PREX2: variants seen among roughly 807,000 people sequenced by gnomAD.
The protein encoded by PREX2 is phosphatidylinositol 3,4,5-trisphosphate-dependent Rac exchanger 2 protein.
In PREX2, 107 loss-of-function variants were observed where a neutral mutation model predicts 203.2. That is an observed-to-expected ratio of 0.53 (90% confidence interval 0.45 to 0.62). The LOEUF is 0.62. Ranked by LOEUF, PREX2 falls within the 20% of genes least tolerant of loss-of-function variation. PREX2 has a pLI of 0.00. For synonymous variants in PREX2, 672 were observed against 663.6 expected, an observed-to-expected ratio of 1.01 and a Z score of -0.19; for missense variants, 1,777 against 1,955.9, an observed-to-expected ratio of 0.91 and a Z score of 1.72.
chr8:68,149,673 A>G (rs1811395249), intron 34 of PREX2, among the ~76,000 whole-genome samples: 1 of 152,224 alleles, frequency 6.6e-6, no homozygotes. Flanking sequence ...AGTGGTTTTC[A>G]GTACTTAGCT....
intron 12 of PREX2, 132 bp from the exon 13 acceptor site, chr8:68,069,703 A>C: frequency 2.1e-6 from 1 of 471,286 alleles, no homozygotes; most frequent in Admixed American, 3.6e-5. Flanking sequence ...ATATTTGAAT[A>C]ATTTTTAAAT....
chr8:68,171,973 TCTC>T (rs1237033847), intron 35 of PREX2, among the ~76,000 whole-genome samples: 2 of 152,306 alleles, frequency 1.3e-5, no homozygotes, highest in African/African-American at 4.8e-5. Context: ...TGCATATTTA[TCTC>T]CTCTATAGCA....
intron 25 of PREX2, chr8:68,114,223 A>G: frequency 2.2e-6 from 1 of 446,116 alleles, no homozygotes. Context: ...GGTATAATAA[A>G]TGTGTTTAGT....
At chr8:68,224,217 A>G (rs1012027514) in intron 38 of PREX2, among the ~76,000 whole-genome samples, 7 of 151,856 alleles carry the variant, frequency 4.6e-5, no homozygotes, top group African/African-American at 7.3e-5. Flanking sequence ...CAGTCTCACT[A>G]TGTTTCCCAG....
chr8:68,214,897 A>T (rs1196303350), intron 37 of PREX2, among the ~76,000 whole-genome samples: 2 of 152,202 alleles, frequency 1.3e-5, no homozygotes, highest in Non-Finnish European at 2.9e-5. Flanking sequence ...TTACTTTTTT[A>T]AAATTTCAAA....
intron 35 of PREX2, among the ~76,000 whole-genome samples, chr8:68,186,076 TGAAAG>T (rs1812183259): frequency 8.1e-6 from 1 of 122,900 alleles, no homozygotes; most frequent in African/African-American, 3.3e-5. Context: ...TGTCAAATTC[TGAAAG>T]ATACTGAAGT....
chr8:68,153,648 T>C (rs544893665), intron 34 of PREX2, among the ~76,000 whole-genome samples: 114 of 152,312 alleles, frequency 7.5e-4, no homozygotes, highest in Non-Finnish European at 1.4e-3. Context: ...TTCTGGGTTT[T>C]TTATAACAAT....
At position 68,105,399 on chromosome 8, in the gene PREX2, A is replaced by G. The variant is rs548235565; in HGVS notation, c.2716-2710A>G. 2.8e-5 allele frequency: 37 copies of G among 1,333,756 alleles called. No individual in the cohort carries two copies. In the Admixed American group the frequency reaches 7.5e-4, roughly 27 times the overall value. The allele number at this position is 1,333,756 out of a possible 1,614,324, so 82.6% of individuals were successfully genotyped here. A position where few individuals can be genotyped will look rare whatever the true frequency, so the allele number is the denominator to read the frequency against. On this transcript the variant is annotated intron_variant, in intron 23 of 39. Transcript: ENST00000288368. ...TGGAACAGTTCAGGCACCCTTAGACACAGTACACAGCCCTTCCTAGCATGT... is the reference window on the plus strand; with the variant it reads ...TGGAACAGTTCAGGCACCCTTAGACGCAGTACACAGCCCTTCCTAGCATGT...
intron 1 of PREX2, among the ~76,000 whole-genome samples, chr8:67,971,406 G>A (rs1283497999): frequency 6.6e-6 from 1 of 152,068 alleles, no homozygotes. Context: ...GAGAGAGGGT[G>A]GAAGTCAAGA....
Position 68,060,776 on chromosome 8 carries a change from C to A in PREX2, c.1336C>A (p.His446Asn). 1 of 1,587,136 alleles carries A rather than the reference C, an allele frequency of 6.3e-7. No homozygotes were observed. The highest frequency in any genetic ancestry group is 1.1e-5 in the South Asian group (1 of 89,282). Residue 446 changes from histidine (H) to asparagine (N), a missense_variant, in exon 11 of 40, where the codon CAT (histidine) becomes AAT (asparagine). Transcript: ENST00000288368. ...QALLENGIIH[H>N]VTDKHQFKPE... Reference sequence around the variant, plus strand: ...ATTATTAGAAAATGGAATCATTCACCATGGTAATTACTTTATTATTAATTA... The same window carrying A: ...ATTATTAGAAAATGGAATCATTCACAATGGTAATTACTTTATTATTAATTA...
At chr8:67,983,364 G>A (rs116249873) in intron 1 of PREX2, among the ~76,000 whole-genome samples, 1,358 of 106,322 alleles carry the variant, frequency 0.013, 15 homozygotes, top group African/African-American at 0.041. Context: ...AGTGATGTTC[G>A]AATATGTAAG....
chr8:68,191,775 C>T lies in PREX2; in HGVS notation c.4400C>T (p.Ala1467Val). ...CCACCAAACTCCACATCCAAAGCTG[C>T]CTATGTAGATAAGGTAAAAACAGAT... is the stretch of plus-strand genomic sequence containing the variant. ...NSPPNSTSKA[A>V]YVDKLMRPLN... Residue 1467 changes from alanine to valine, a missense_variant, in exon 36 of 40, where the codon GCC becomes GTC. By Grantham distance (64) the Ala-to-Val change is moderately conservative. Coordinates refer to ENST00000288368, the MANE Select transcript of PREX2 (RefSeq NM_024870.4). 1 of 1,604,926 alleles carries T rather than the reference C, an allele frequency of 6.2e-7. No individual in the cohort carries two copies. Among genetic ancestry groups the T allele is most frequent in the Non-Finnish European group, 8.5e-7 (1 of 1,172,004 alleles).
intron 27 of PREX2, among the ~76,000 whole-genome samples, 165 bp from the exon 28 acceptor site, chr8:68,119,267 G>C (rs1273448764): frequency 6.6e-6 from 1 of 152,178 alleles, no homozygotes; most frequent in Non-Finnish European, 1.5e-5. Context: ...AACATCCCAG[G>C]AGCTATGAAA....
At chr8:67,980,832 A>T (rs1806245933) in intron 1 of PREX2, among the ~76,000 whole-genome samples, 1 of 152,162 alleles carries the variant, frequency 6.6e-6, no homozygotes, top group Admixed American at 6.5e-5. Context: ...CATGATCGTA[A>T]GTTTCCTGAG....
chr8:68,095,773 CT>C (rs1380968635), intron 21 of PREX2, among the ~76,000 whole-genome samples: 1 of 151,914 alleles, frequency 6.6e-6, no homozygotes. Flanking sequence ...CTTCCAGTAG[CT>C]GGGACTACAT....
In PREX2 at chr8:68,234,773, T is replaced by G. The variant is rs1238345485; in HGVS notation, c.*3395T>G. On this transcript the variant is annotated 3_prime_UTR_variant, in exon 40 of 40. Coordinates refer to ENST00000288368, the MANE Select transcript of PREX2 (RefSeq NM_024870.4). ...GGTTCATTGTGCATTCATTGGCCAC[T>G]CTTCTTGCAGCAAATTTTAAATCAA... 6.6e-6 allele frequency: 1 copy of G among 152,180 alleles called. No individual in the cohort carries two copies. Among genetic ancestry groups the G allele is most frequent in the Non-Finnish European group, 1.5e-5 (1 of 68,040 alleles). The allele number at this position is 152,180 out of a possible 1,614,324, so 9.4% of individuals were successfully genotyped here. A position where few individuals can be genotyped will look rare whatever the true frequency, so the allele number is the denominator to read the frequency against.
At chr8:68,109,762 C>T (rs1247485132) in intron 25 of PREX2, 139 bp downstream of exon 25, 4 of 679,436 alleles carry the variant, frequency 5.9e-6, no homozygotes, top group African/African-American at 3.6e-5. Flanking sequence ...CTCTTCATTC[C>T]AAAACCTTAA....
intron 35 of PREX2, among the ~76,000 whole-genome samples, chr8:68,187,778 G>A (rs369266313): frequency 6.6e-6 from 1 of 152,132 alleles, no homozygotes; most frequent in East Asian, 1.9e-4. Flanking sequence ...GATAGGAAAT[G>A]CAAAAATCAC....
chr8:68,144,835 C>T (rs1265584021), intron 33 of PREX2, among the ~76,000 whole-genome samples: 1 of 152,052 alleles, frequency 6.6e-6, no homozygotes, highest in Non-Finnish European at 1.5e-5. Flanking sequence ...GTTTTAGTTC[C>T]TTGATTCCTA....
Sources: allele counts gnomAD v4.1 joint callset (sites outside exome capture counted in the v4.1 genomes callset), GRCh38; gene constraint gnomAD v4.1.1; transcripts MANE v1.5; gene names NCBI Gene and HGNC (gene_info 2026-07-23, HGNC 2026-07-21).